Variants in PCDHGA4 observed in about 807,000 individuals in gnomAD.
PCDHGA4 encodes protocadherin gamma-A4.
Under a neutral mutation model 54.6 loss-of-function variants are expected in PCDHGA4, and 38 were observed. That is an observed-to-expected ratio of 0.70 (90% CI 0.54 to 0.91). The LOEUF is 0.91. Among genes scored for constraint, PCDHGA4 ranks in the 40% least tolerant of loss-of-function variants. PCDHGA4 has a pLI of 0.00. For missense variants in PCDHGA4, 1,298 were observed against 1,220.9 expected (o/e 1.06, Z -0.94); for synonymous variants, 511 against 512.9 (o/e 1.00, Z 0.05).
chr5:141,503,377 A>G lies in PCDHGA4; in HGVS notation c.2574-2016A>G, dbSNP rs534841057. Among the ~76,000 whole-genome samples, 4 of 152,142 alleles carry G rather than the reference A, an allele frequency of 2.6e-5. No homozygotes were observed. In the East Asian group the frequency reaches 7.8e-4, roughly 30 times the overall value. The stretch of plus-strand genomic sequence containing the variant: ...TTTGGGAAGCGGAGGCAGGTGGATC[A>G]TGAGGTCAGGAGTTCGAAACCAACC... On this transcript the variant is annotated intron_variant, in intron 2 of 3. Coordinates refer to ENST00000571252, the MANE Select transcript of PCDHGA4 (RefSeq NM_018917.4).
At chr5:141,393,961 T>C (rs775398827) in intron 1 of PCDHGA4, 1 of 1,613,960 alleles carries the variant, frequency 6.2e-7, no homozygotes, top group South Asian at 1.1e-5. Flanking sequence ...GGTCAAGTTG[T>C]CTGTTACACA....
chr5:141,489,253 A>T lies in PCDHGA4; in HGVS notation c.2515-5554A>T. 1 of 1,547,506 alleles carries T rather than the reference A, an allele frequency of 6.5e-7. No individual in the cohort carries two copies. The highest frequency in any genetic ancestry group is 2.3e-5 in the East Asian group (1 of 44,418). ...GGACTTCTGGGTCATGGGGCCCAAG[A>T]CACTCCCACAGCTCGCTGGGAAATG... On this transcript the variant is annotated intron_variant, in intron 1 of 3. Coordinates refer to ENST00000571252, the MANE Select transcript of PCDHGA4 (RefSeq NM_018917.4). This position sits in a 1 kb window ranked among gnomAD's most constrained non-coding sequence, Gnocchi z 4.5.
chr5:141,502,866 C>CTTTT (rs549047197), intron 2 of PCDHGA4, among the ~76,000 whole-genome samples: 3 of 128,028 alleles, frequency 2.3e-5, no homozygotes, highest in African/African-American at 6.2e-5. Flanking sequence ...GACTCTCTGT[C>CTTTT]TTTTTTTTTT....
intron 1 of PCDHGA4, chr5:141,478,885 A>G (rs2099483148): frequency 8.4e-7 from 1 of 1,193,320 alleles, no homozygotes; most frequent in East Asian, 2.6e-5. Flanking sequence ...GCTTGGTATC[A>G]TTTACATTAG....
At chr5:141,409,709 T>G (rs1328690143) in intron 1 of PCDHGA4, 2 of 1,613,198 alleles carry the variant, frequency 1.2e-6, no homozygotes, top group Non-Finnish European at 8.5e-7. Context: ...GGCGGTGTCG[T>G]CATACGTGTC....
Position 141,355,530 on chromosome 5 carries a change from A to G in PCDHGA4, c.423A>G (p.Leu141=), listed in dbSNP as rs753782818. Residue 141 remains leucine (L), a synonymous_variant, in exon 1 of 4, where the codon CTA becomes CTG. Transcript: ENST00000571252. ...PNCVTNLEIL[L]EDTVKILRVE... The stretch of plus-strand genomic sequence containing the variant: ...GTGTGACAAACCTGGAGATTCTTCT[A>G]GAAGATACAGTGAAGATTTTGCGGG... 1.9e-6 allele frequency: 3 copies of G among 1,614,092 alleles called. No individual in the cohort carries two copies. The highest frequency in any genetic ancestry group is 2.5e-6 in the Non-Finnish European group (3 of 1,179,910).
intron 2 of PCDHGA4, among the ~76,000 whole-genome samples, chr5:141,503,909 C>T (rs904260329): frequency 1.3e-5 from 2 of 152,156 alleles, no homozygotes; most frequent in Admixed American, 1.3e-4. Flanking sequence ...ACACACACAA[C>T]GCAACACACA....
intron 1 of PCDHGA4, chr5:141,427,653 G>A (rs1221862562): frequency 4.1e-6 from 3 of 725,570 alleles, no homozygotes; most frequent in Non-Finnish European, 4.9e-6. Flanking sequence ...CTCCTACGTG[G>A]TCCACGTGGC....
chr5:141,422,575 C>G, intron 1 of PCDHGA4: 1 of 1,613,976 alleles, frequency 6.2e-7, no homozygotes, highest in Non-Finnish European at 8.5e-7. Flanking sequence ...CAACGATAAC[C>G]CTCCCGTTTT....
chr5:141,395,185 T>C, intron 1 of PCDHGA4: 1 of 1,614,158 alleles, frequency 6.2e-7, no homozygotes, highest in Non-Finnish European at 8.5e-7. Context: ...AATGATTCTT[T>C]GTTAACATCC....
At chr5:141,365,275 C>T in intron 1 of PCDHGA4, 1 of 1,613,980 alleles carries the variant, frequency 6.2e-7, no homozygotes, top group Non-Finnish European at 8.5e-7. Flanking sequence ...CCAGATTCTA[C>T]CTCATGGAAG....
At chr5:141,455,537 A>G (rs1158681837) in intron 1 of PCDHGA4, among the ~76,000 whole-genome samples, 2 of 152,162 alleles carry the variant, frequency 1.3e-5, no homozygotes, top group Non-Finnish European at 2.9e-5. Flanking sequence ...CAGGCATATC[A>G]TTCACGTAGC....
chr5:141,502,179 A>G (rs1403845758), intron 2 of PCDHGA4, among the ~76,000 whole-genome samples: 2 of 152,218 alleles, frequency 1.3e-5, no homozygotes, highest in Non-Finnish European at 2.9e-5. Context: ...GGAATTTAAC[A>G]TTAATACAAT....
chr5:141,425,478 G>A (rs2096877750), intron 1 of PCDHGA4, among the ~76,000 whole-genome samples: 1 of 152,148 alleles, frequency 6.6e-6, no homozygotes, highest in Admixed American at 6.5e-5. Flanking sequence ...AATTCCTATG[G>A]CAACCTACTA....
intron 1 of PCDHGA4, among the ~76,000 whole-genome samples, chr5:141,473,916 A>T (rs1014065718): frequency 2.6e-5 from 4 of 152,162 alleles, no homozygotes; most frequent in Non-Finnish European, 4.4e-5. Flanking sequence ...TCTTAAGAAA[A>T]CTATGAGCTG....
intron 1 of PCDHGA4, among the ~76,000 whole-genome samples, chr5:141,463,438 CTTTTT>C (rs71576115): frequency 7.7e-5 from 8 of 103,256 alleles, no homozygotes; most frequent in African/African-American, 2.7e-4. Flanking sequence ...TTTCCTTCTC[CTTTTT>C]TTTTTTTTTT....
chr5:141,470,054 C>T (rs895181664), intron 1 of PCDHGA4, among the ~76,000 whole-genome samples: 2 of 152,118 alleles, frequency 1.3e-5, no homozygotes, highest in African/African-American at 4.8e-5. Flanking sequence ...GTTTGAACCC[C>T]GGAGGCAGAG....
Position 141,486,494 on chromosome 5 carries a change from A to G in PCDHGA4, c.2515-8313A>G, listed in dbSNP as rs375607204. 9.3e-6 allele frequency: 15 copies of G among 1,614,058 alleles called. No individual in the cohort carries two copies. The highest frequency in any genetic ancestry group is 1.3e-5 in the Non-Finnish European group (15 of 1,179,958). ...CCCTCCTCTCAGTACCCACAGAACT[A>G]TTTTCCTCAATATTTCAGATGTGAA... On this transcript the variant is annotated intron_variant, in intron 1 of 3. Transcript: ENST00000571252. The surrounding 1 kb of genome is among the most constrained non-coding windows in gnomAD (Gnocchi z 5.0).
chr5:141,375,314 G>A, intron 1 of PCDHGA4: 1 of 1,613,798 alleles, frequency 6.2e-7, no homozygotes, highest in South Asian at 1.1e-5. Flanking sequence ...TGCAGCTCTA[G>A]ACCGGGAAGA....
Sources: allele counts gnomAD v4.1 joint callset (sites outside exome capture counted in the v4.1 genomes callset), GRCh38; gene constraint gnomAD v4.1.1; non-coding constraint Gnocchi (gnomAD v3.1); transcripts MANE v1.5; gene names NCBI Gene and HGNC (gene_info 2026-07-23, HGNC 2026-07-21).